The following NTNG2 variants were observed in gnomAD, a reference collection of about 807,000 sequenced individuals.
NTNG2 encodes the protein netrin G2, also known as netrin-G2.
In NTNG2, 15 loss-of-function variants were observed where a neutral mutation model predicts 47.6. The ratio of observed to expected loss-of-function variants is 0.32; its 90% CI spans 0.21 to 0.49. The LOEUF (loss-of-function observed/expected upper bound fraction) is 0.49. Among genes scored for constraint, NTNG2 ranks in the 20% least tolerant of loss-of-function variants. The pLI is 0.99. For synonymous variants in NTNG2, 307 were observed against 324.6 expected (o/e 0.95, Z 0.58); for missense variants, 578 against 764.6 (o/e 0.76, Z 2.88).
intron 2 of NTNG2, among the ~76,000 whole-genome samples, chr9:132,179,249 CT>C (rs1436629022): frequency 1.3e-5 from 2 of 152,242 alleles, no homozygotes; most frequent in Non-Finnish European, 2.9e-5. Flanking sequence ...CGGATGCCAC[CT>C]GCAGCCAGTG....
rs972374022 is a variant in NTNG2 at position 132,181,499 on chromosome 9, T to C, written c.213+14455T>C. 1.2e-4 allele frequency among the ~76,000 whole-genome samples: 19 copies of C among 152,018 alleles called. 1 individual carries two copies. The South Asian group carries it at 3.3e-3, about 27-fold the overall frequency. On this transcript the variant is annotated intron_variant, in intron 2 of 7. Transcript: ENST00000393229. ...CCATGCCTGGCTAATTTTTGTATTTTTAGTAGAGACAAAGTTTCACCATGT... is the reference window on the plus strand; with the variant it reads ...CCATGCCTGGCTAATTTTTGTATTTCTAGTAGAGACAAAGTTTCACCATGT...
chr9:132,189,924 C>T (rs1297276869), intron 2 of NTNG2, among the ~76,000 whole-genome samples: 1 of 146,094 alleles, frequency 6.8e-6, no homozygotes, highest in African/African-American at 2.5e-5. Flanking sequence ...GCTGGGATTA[C>T]AGGCGTGAGC....
chr9:132,211,920 TC>T (rs1218804481), intron 3 of NTNG2, among the ~76,000 whole-genome samples: 3 of 152,178 alleles, frequency 2.0e-5, no homozygotes, highest in Admixed American at 2.0e-4. Flanking sequence ...TGGAATTCAT[TC>T]ATTCATTCAG....
rs1838474859 is a variant in NTNG2, at chr9:132,198,328, C to T, written c.576C>T (p.Arg192=). 1.9e-6 allele frequency: 3 copies of T among 1,612,786 alleles called. No homozygotes were observed. The highest frequency in any genetic ancestry group is 2.2e-5 in the East Asian group (1 of 44,880). The change falls in exon 3 of 8, where the codon CGC becomes CGT. Residue 192 remains arginine (R), a synonymous_variant. Transcript: ENST00000393229. ...ARDMSSSSAH[R]VLCTEEYSRW... is the part of the protein sequence containing the mutation. Reference sequence around the variant, plus strand: ...ACATGTCATCCTCCAGCGCGCACCGCGTGCTCTGCACCGAGGAGTACTCGC... The same window carrying T: ...ACATGTCATCCTCCAGCGCGCACCGTGTGCTCTGCACCGAGGAGTACTCGC...
chr9:132,193,508 G>A (rs961875240), intron 2 of NTNG2, among the ~76,000 whole-genome samples: 33 of 152,162 alleles, frequency 2.2e-4, no homozygotes, highest in African/African-American at 7.2e-4. Context: ...GGGAGGGGAC[G>A]AAGTGGCCTG....
At position 132,166,706 on chromosome 9, in the gene NTNG2, TG is replaced by T; in HGVS notation, c.-123del. On this transcript the variant is annotated 5_prime_UTR_variant, in exon 2 of 8. Coordinates refer to ENST00000393229, the MANE Select transcript of NTNG2 (RefSeq NM_032536.4). ...TGCAAAGCTTCAGTGCTCGGGTCCC[TG>T]GGACACCCCGGCCACCCTCGCCTGG... 2.3e-6 allele frequency: 2 copies of T among 852,194 alleles called. No individual in the cohort carries two copies. The highest frequency in any genetic ancestry group is 3.8e-6 in the Non-Finnish European group (2 of 520,584). 52.8% of individuals were successfully genotyped at this position (852,194 alleles called of 1,614,324 possible).
Position 132,197,999 on chromosome 9 carries a change from G to A in NTNG2, c.247G>A (p.Ala83Thr), listed in dbSNP as rs771334327. ...CTACCTATGCAGCAACGAGTGTGAC[G>A]CCTCCAACCCGGACCTGGCCCACCC... is the stretch of plus-strand genomic sequence containing the variant. ...NPYLCSNECD[A>T]SNPDLAHPPR... The change falls in exon 3 of 8, where the codon GCC (alanine) becomes ACC (threonine). Residue 83 changes from alanine to threonine, a missense_variant. By Grantham distance (58) the Ala-to-Thr change is moderately conservative (BLOSUM62 0). Coordinates refer to ENST00000393229, the MANE Select transcript of NTNG2 (RefSeq NM_032536.4). The surrounding 1 kb of genome is among the most constrained non-coding windows in gnomAD (Gnocchi z 4.3). The A allele has an allele frequency of 2.5e-6, 4 of 1,613,080 alleles. No homozygotes were observed. Among genetic ancestry groups the A allele is most frequent in the Non-Finnish European group, 3.4e-6 (4 of 1,179,952 alleles).
In NTNG2 at chr9:132,162,920, C is replaced by A. The variant is rs1039081070; in HGVS notation, c.-484+681C>A. 3.3e-5 allele frequency among the ~76,000 whole-genome samples: 5 copies of A among 152,040 alleles called. No homozygotes were observed. Among genetic ancestry groups the A allele is most frequent in the Admixed American group, 2.6e-4 (4 of 15,274 alleles). ...GGCGCGCAGGTGGGGGGAGCAGAGGCGGCGGGAAGGCGGGAAGAGAGGACC... is the reference window on the plus strand; with the variant it reads ...GGCGCGCAGGTGGGGGGAGCAGAGGAGGCGGGAAGGCGGGAAGAGAGGACC... On this transcript the variant is annotated intron_variant, in intron 1 of 7. Coordinates refer to ENST00000393229, the MANE Select transcript of NTNG2 (RefSeq NM_032536.4). This position sits in a 1 kb window ranked among gnomAD's most constrained non-coding sequence, Gnocchi z 4.6.
At chr9:132,172,249 C>A (rs976810754) in intron 2 of NTNG2, among the ~76,000 whole-genome samples, 1 of 152,210 alleles carries the variant, frequency 6.6e-6, no homozygotes, top group African/African-American at 2.4e-5. Context: ...ACCTCCTCCT[C>A]CAGGAGGCCT....
rs73561527 is a variant in NTNG2 at position 132,184,426 on chromosome 9, G to A, written c.214-13540G>A. 4.1e-3 allele frequency among the ~76,000 whole-genome samples: 624 copies of A among 152,330 alleles called. 3 individuals are homozygous for A. The highest frequency in any genetic ancestry group is 0.014 in the African/African-American group (582 of 41,558). On this transcript the variant is annotated intron_variant, in intron 2 of 7. Coordinates refer to ENST00000393229, the MANE Select transcript of NTNG2 (RefSeq NM_032536.4). ...GGAGGGGACACACCCGTCATTAACC[G>A]AAGAAGCCACTGGGGAAAACTGTGA... is the stretch of plus-strand genomic sequence containing the variant.
intron 2 of NTNG2, among the ~76,000 whole-genome samples, chr9:132,174,061 G>C (rs1011732393): frequency 6.7e-6 from 1 of 150,004 alleles, no homozygotes; most frequent in African/African-American, 2.5e-5. Context: ...CTGCGGATGA[G>C]ATGGACAGAC....
rs1449124452 is a variant in NTNG2, at chr9:132,163,593, C to T, written c.-484+1354C>T. Among the ~76,000 whole-genome samples the T allele has an allele frequency of 6.6e-6, 1 of 152,122 alleles. No individual in the cohort carries two copies. Among genetic ancestry groups the T allele is most frequent in the Non-Finnish European group, 1.5e-5 (1 of 67,998 alleles). On this transcript the variant is annotated intron_variant, in intron 1 of 7. Transcript: ENST00000393229. This position sits in a 1 kb window ranked among gnomAD's most constrained non-coding sequence, Gnocchi z 7.2. Reference sequence around the variant, plus strand: ...TTTCACCCCCCTCTGCCGCCCCTGCCGAGGAGGGAGAGGGAACCCCGGGGT... The same window carrying T: ...TTTCACCCCCCTCTGCCGCCCCTGCTGAGGAGGGAGAGGGAACCCCGGGGT...
intron 5 of NTNG2, among the ~76,000 whole-genome samples, chr9:132,234,705 G>A (rs1465285577): frequency 6.6e-6 from 1 of 152,242 alleles, no homozygotes; most frequent in Non-Finnish European, 1.5e-5. Flanking sequence ...GGAGGATGGA[G>A]GGAGACAGGC....
Position 132,239,189 on chromosome 9 carries a change from G to A in NTNG2, c.1140G>A (p.Thr380=), listed in dbSNP as rs369111783. 14 of 1,613,886 alleles carry A rather than the reference G, an allele frequency of 8.7e-6. No individual in the cohort carries two copies. Among genetic ancestry groups the A allele is most frequent in the African/African-American group, 6.7e-5 (5 of 75,062 alleles). ...VVTCVSCKHN[T]RGQHCQHCRL... is the part of the protein sequence containing the mutation. ...CCTGCGTCAGCTGCAAGCACAACAC[G>A]CGAGGTCAGCACTGCCAGCACTGCC... Residue 380 remains threonine (T), a synonymous_variant, in exon 6 of 8, where the codon ACG becomes ACA. Transcript: ENST00000393229.
chr9:132,198,294 G>A lies in NTNG2; in HGVS notation c.542G>A (p.Arg181Gln), dbSNP rs770369982. 2.7e-5 allele frequency: 44 copies of A among 1,612,798 alleles called. No individual in the cohort carries two copies. The highest frequency in any genetic ancestry group is 3.6e-5 in the Non-Finnish European group (43 of 1,179,944). ...GAGGCCTTCGGTATGTCCGCCCGCC[G>A]GGCCCGCGACATGTCATCCTCCAGC... ...CMEAFGMSAR[R>Q]ARDMSSSSAH... Residue 181 changes from arginine (R) to glutamine (Q), a missense_variant, in exon 3 of 8, where the codon CGG (arginine) becomes CAG (glutamine). Transcript: ENST00000393229.
At position 132,162,665 on chromosome 9, in the gene NTNG2, A is replaced by G. The variant is rs1026423353; in HGVS notation, c.-484+426A>G. 6.7e-6 allele frequency among the ~76,000 whole-genome samples: 1 copy of G among 149,320 alleles called. No individual in the cohort carries two copies. Among genetic ancestry groups the G allele is most frequent in the African/African-American group, 2.5e-5 (1 of 40,292 alleles). Reference sequence around the variant, plus strand: ...GCTCGGATGTGTCTCGGAAAAGGAAACTAACCCTGCTCCCGCGCCTCTCCC... The same window carrying G: ...GCTCGGATGTGTCTCGGAAAAGGAAGCTAACCCTGCTCCCGCGCCTCTCCC... On this transcript the variant is annotated intron_variant, in intron 1 of 7. Coordinates refer to ENST00000393229, the MANE Select transcript of NTNG2 (RefSeq NM_032536.4). The surrounding 1 kb of genome is among the most constrained non-coding windows in gnomAD (Gnocchi z 4.6).
In NTNG2 at chr9:132,243,847, C is replaced by G. The variant is rs867238642; in HGVS notation, c.*1736C>G. 1 of 152,498 alleles carries G rather than the reference C, an allele frequency of 6.6e-6. No individual in the cohort carries two copies. Among genetic ancestry groups the G allele is most frequent in the Non-Finnish European group, 1.5e-5 (1 of 68,140 alleles). The allele number at this position is 152,498 out of a possible 1,614,324, so 9.4% of individuals were successfully genotyped here. A position where few individuals can be genotyped will look rare whatever the true frequency, so the allele number is the denominator to read the frequency against. On this transcript the variant is annotated 3_prime_UTR_variant, in exon 8 of 8. Coordinates refer to ENST00000393229, the MANE Select transcript of NTNG2 (RefSeq NM_032536.4). ...AGTGTCCCGAGCCCACACACCAGCC[C>G]CTCCTGGCCTCCTCTCTCTGCTCCC...
chr9:132,174,682 G>C (rs1448458077), intron 2 of NTNG2, among the ~76,000 whole-genome samples: 3 of 152,236 alleles, frequency 2.0e-5, no homozygotes, highest in African/African-American at 7.2e-5. Context: ...AGCTCTGTGA[G>C]AGGCTGAGGT....
chr9:132,215,477 G>A lies in NTNG2; in HGVS notation c.858-11372G>A, dbSNP rs1427328477. ...CGCCTGTAATCCCAGCTACTCGGGA[G>A]GCTGAGGCAGGATAATTGCTTGAAC... is the stretch of plus-strand genomic sequence containing the variant. On this transcript the variant is annotated intron_variant, in intron 3 of 7. Transcript: ENST00000393229. This position sits in a 1 kb window ranked among gnomAD's most constrained non-coding sequence, Gnocchi z 4.2. 4.5e-5 allele frequency among the ~76,000 whole-genome samples: 5 copies of A among 111,584 alleles called. No homozygotes were observed. Among genetic ancestry groups the A allele is most frequent in the Non-Finnish European group, 7.9e-5 (4 of 50,814 alleles). 73.2% of individuals were successfully genotyped at this position (111,584 alleles called of 152,430 possible).
Sources: gnomAD v4.1 joint callset for allele counts (sites outside exome capture counted in the v4.1 genomes callset) on GRCh38, gnomAD v4.1.1 for gene constraint, Gnocchi (gnomAD v3.1) non-coding constraint, MANE v1.5 for transcripts, NCBI Gene and HGNC (gene_info 2026-07-23, HGNC 2026-07-21) for gene names.